CAPN13: variants seen among roughly 807,000 people sequenced by gnomAD.
CAPN13 encodes the protein calpain 13.
In CAPN13, 90 loss-of-function variants were observed where a neutral mutation model predicts 98.4. The ratio of observed to expected loss-of-function variants is 0.92; its 90% CI spans 0.77 to 1.09. CAPN13 has a LOEUF of 1.09. Ranked by LOEUF, CAPN13 falls within the 50% of genes least tolerant of loss-of-function variation. The probability of loss-of-function intolerance (pLI) is 0.00; values close to 1 mark genes in which losing one functional copy is unlikely to be tolerated. For missense variants in CAPN13, 887 were observed against 841.3 expected, an observed-to-expected ratio of 1.05 and a Z score of -0.67; for synonymous variants, 330 against 305.5, an observed-to-expected ratio of 1.08 and a Z score of -0.84.
intron 20 of CAPN13, among the ~76,000 whole-genome samples, 176 bp from the exon 21 acceptor site, chr2:30,731,575 G>A (rs142353350): frequency 2.7e-3 from 409 of 152,270 alleles, no homozygotes; most frequent in African/African-American, 7.6e-3. Context: ...AGCTCTGCAC[G>A]GGGCGAGTGG....
intron 1 of CAPN13, among the ~76,000 whole-genome samples, chr2:30,801,628 G>A (rs1318636623): frequency 2.1e-4 from 26 of 124,798 alleles, no homozygotes; most frequent in African/African-American, 7.1e-4. Context: ...AAAAAAAAAA[G>A]AAGAAGAAGA....
intron 15 of CAPN13, chr2:30,741,471 A>G: frequency 2.0e-6 from 2 of 1,008,906 alleles, no homozygotes; most frequent in South Asian, 8.6e-5. Context: ...CATTAAGGAA[A>G]TCCTGTGTGC....
Position 30,732,532 on chromosome 2 carries a change from C to T in CAPN13, c.1833G>A (p.Leu611=). The T allele has an allele frequency of 1.9e-6, 3 of 1,610,644 alleles. No individual in the cohort carries two copies. Among genetic ancestry groups the T allele is most frequent in the Non-Finnish European group, 2.5e-6 (3 of 1,178,650 alleles). ...TGTACCTGAGGGTCACCAGATGCAGCAGCTCACGGCTGATGAAGATCCCTC... is the reference window on the plus strand; with the variant it reads ...TGTACCTGAGGGTCACCAGATGCAGTAGCTCACGGCTGATGAAGATCCCTC... The part of the protein sequence containing the change: ...FLRGIFISRE[L]LHLVTLRYSD... The change falls in exon 20 of 23, where the codon CTG becomes CTA. Residue 611 remains leucine, a synonymous_variant. Coordinates refer to ENST00000295055, the MANE Select transcript of CAPN13 (RefSeq NM_144575.3).
At chr2:30,802,167 G>A (rs1035558474) in intron 1 of CAPN13, among the ~76,000 whole-genome samples, 14 of 152,098 alleles carry the variant, frequency 9.2e-5, no homozygotes, top group African/African-American at 3.1e-4. Flanking sequence ...TCTGGTTGGG[G>A]GGTGGCGGGG....
chr2:30,754,332 C>T lies in CAPN13; in HGVS notation c.899G>A (p.Arg300Gln), dbSNP rs751792504. The change falls in exon 9 of 23, where the codon CGG (arginine) becomes CAG (glutamine). Residue 300 changes from arginine (R) to glutamine (Q), a missense_variant. By Grantham distance (43) the Arg-to-Gln change is conservative. Transcript: ENST00000295055. ...CCGTTTCTTATGTAGCTGGCTTTTCCGCGGATCACAGGTTTCCTCCCACTC... is the reference window on the plus strand; with the variant it reads ...CCGTTTCTTATGTAGCTGGCTTTTCTGCGGATCACAGGTTTCCTCCCACTC... ...SQEWEETCDPRKSQLHKKRED... is the reference protein window; with the variant it reads ...SQEWEETCDPQKSQLHKKRED... The T allele has an allele frequency of 1.4e-5, 23 of 1,605,604 alleles. No individual in the cohort carries two copies. The highest frequency in any genetic ancestry group is 1.1e-4 in the African/African-American group (8 of 74,650).
Position 30,763,146 on chromosome 2 carries a change from G to A in CAPN13, c.710C>T (p.Thr237Ile), listed in dbSNP as rs750792760. The change falls in exon 7 of 23, where the codon ACA becomes ATA. Residue 237 changes from threonine (T) to isoleucine (I), a missense_variant. By Grantham distance (89) the Thr-to-Ile change is moderately conservative. Coordinates refer to ENST00000295055, the MANE Select transcript of CAPN13 (RefSeq NM_144575.3). ...TCATPSGPTD[T>I]AQAMENGLVS... ...CAGCCCATTCTCCATCGCCTGTGCTGTATCTGTTGGCTTCAAGGCAGAAAA... is the reference window on the plus strand; with the variant it reads ...CAGCCCATTCTCCATCGCCTGTGCTATATCTGTTGGCTTCAAGGCAGAAAA... 2 of 1,610,854 alleles carry A rather than the reference G, an allele frequency of 1.2e-6. No homozygotes were observed. The highest frequency in any genetic ancestry group is 2.2e-5 in the East Asian group (1 of 44,868).
intron 1 of CAPN13, among the ~76,000 whole-genome samples, chr2:30,801,510 C>G (rs569271966): frequency 6.7e-6 from 1 of 148,950 alleles, no homozygotes; most frequent in East Asian, 2.0e-4. Flanking sequence ...GAGGCTGAGG[C>G]TGGAGAATCG....
chr2:30,757,457 T>G lies in CAPN13; in HGVS notation c.866+589A>C, dbSNP rs146357399. ...AGTGTGGGCAGGCACAGCTTTTCATTTATATCCCAGGCGCCGAGTACTCAT... is the reference window on the plus strand; with the variant it reads ...AGTGTGGGCAGGCACAGCTTTTCATGTATATCCCAGGCGCCGAGTACTCAT... On this transcript the variant is annotated intron_variant, in intron 8 of 22. Coordinates refer to ENST00000295055, the MANE Select transcript of CAPN13 (RefSeq NM_144575.3). Among the ~76,000 whole-genome samples, 8 of 152,292 alleles carry G rather than the reference T, an allele frequency of 5.3e-5. No individual in the cohort carries two copies. The East Asian group carries it at 1.5e-3, about 29-fold the overall frequency.
chr2:30,761,553 C>A (rs902725550), intron 7 of CAPN13, among the ~76,000 whole-genome samples: 1 of 152,148 alleles, frequency 6.6e-6, no homozygotes. Context: ...TCCCTTCTCC[C>A]CTGTGTTCAG....
At chr2:30,758,245 CTCATTTGG>C in intron 7 of CAPN13, 108 bp from the exon 8 acceptor site, 1 of 746,374 alleles carries the variant, frequency 1.3e-6, no homozygotes. Flanking sequence ...AACTTCTGAC[CTCATTTGG>C]CTGCAGCCAG....
intron 13 of CAPN13, chr2:30,743,078 C>T: frequency 2.6e-6 from 1 of 387,428 alleles, no homozygotes. Flanking sequence ...TGTTTTTCTT[C>T]AAAGCCCAGC....
chr2:30,770,582 G>C, intron 4 of CAPN13, 133 bp from the exon 5 acceptor site: 11 of 1,116,344 alleles, frequency 9.9e-6, no homozygotes, highest in Non-Finnish European at 8.8e-6. Context: ...CAAAATCCCA[G>C]CCCAGGTTGC....
chr2:30,783,858 C>A (rs6548036), intron 2 of CAPN13, among the ~76,000 whole-genome samples: 25 of 152,176 alleles, frequency 1.6e-4, no homozygotes, highest in African/African-American at 5.8e-4. Flanking sequence ...TATAGCTTGG[C>A]AGTCAACTTT....
At chr2:30,751,738 G>A (rs1672184154) in intron 10 of CAPN13, among the ~76,000 whole-genome samples, 2 of 152,226 alleles carry the variant, frequency 1.3e-5, no homozygotes, top group Non-Finnish European at 2.9e-5. Flanking sequence ...CAAATACATG[G>A]AAGAATGAAG....
chr2:30,738,628 T>C (rs189681298), intron 15 of CAPN13, among the ~76,000 whole-genome samples, 171 bp from the exon 16 acceptor site: 1 of 152,294 alleles, frequency 6.6e-6, no homozygotes, highest in East Asian at 1.9e-4. Flanking sequence ...TAGTAGTGAC[T>C]CCCTCCCCTG....
intron 15 of CAPN13, among the ~76,000 whole-genome samples, chr2:30,741,092 G>T (rs1671628406): frequency 6.6e-6 from 1 of 152,172 alleles, no homozygotes. Flanking sequence ...TCCTGAATCA[G>T]CCCAGATGGT....
intron 4 of CAPN13, among the ~76,000 whole-genome samples, chr2:30,774,021 GAC>G (rs1300230416): frequency 3.3e-5 from 5 of 150,738 alleles, no homozygotes; most frequent in African/African-American, 1.2e-4. Context: ...ATAAAACAGA[GAC>G]TCAGCAACTA....
At chr2:30,789,046 AT>A (rs1674472914) in intron 1 of CAPN13, among the ~76,000 whole-genome samples, 1 of 152,210 alleles carries the variant, frequency 6.6e-6, no homozygotes, top group South Asian at 2.1e-4. Flanking sequence ...ACACATGTAC[AT>A]TTCTTCAATT....
At chr2:30,759,326 C>T (rs982392150) in intron 7 of CAPN13, among the ~76,000 whole-genome samples, 2 of 152,258 alleles carry the variant, frequency 1.3e-5, no homozygotes, top group African/African-American at 2.4e-5. Flanking sequence ...CCCCTTTGCT[C>T]CCTCACACCG....
Sources: gnomAD v4.1 joint callset for allele counts (sites outside exome capture counted in the v4.1 genomes callset) on GRCh38, gnomAD v4.1.1 for gene constraint, MANE v1.5 for transcripts, NCBI Gene and HGNC (gene_info 2026-07-23, HGNC 2026-07-21) for gene names.